ZNF479: variants seen among roughly 807,000 people sequenced by gnomAD.
ZNF479 encodes the protein KRAB zinc finger protein KR19.
Under a neutral mutation model 14.7 loss-of-function variants are expected in ZNF479, and 15 were observed. The observed-to-expected ratio is 1.02, with a 90% confidence interval of 0.68 to 1.57. The LOEUF is 1.57. Ranked by LOEUF, ZNF479 falls within the 40% of genes most tolerant of loss-of-function variation. The pLI, the probability that ZNF479 is intolerant of heterozygous loss-of-function variation, is 0.00. For missense variants in ZNF479, 506 were observed against 615.1 expected, an observed-to-expected ratio of 0.82 and a Z score of 1.88; for synonymous variants, 145 against 211.5, an observed-to-expected ratio of 0.69 and a Z score of 2.73.
intron 1 of ZNF479, among the ~76,000 whole-genome samples, chr7:57,129,669 C>T (rs200225956): frequency 1.4e-3 from 212 of 148,216 alleles, no homozygotes; most frequent in Middle Eastern, 3.4e-3. Flanking sequence ...CAGAACACTG[C>T]GCTGGGAATA....
At chr7:57,129,450 C>T (rs1297530685) in intron 1 of ZNF479, among the ~76,000 whole-genome samples, 4 of 152,074 alleles carry the variant, frequency 2.6e-5, no homozygotes, top group Admixed American at 2.6e-4. Flanking sequence ...GTCCCTTACA[C>T]ACACCACATT....
At chr7:57,128,965 C>G (rs1786300737) in intron 1 of ZNF479, among the ~76,000 whole-genome samples, 1 of 152,194 alleles carries the variant, frequency 6.6e-6, no homozygotes, top group African/African-American at 2.4e-5. Context: ...AAAGCACAAC[C>G]TATTCACCTG....
intron 3 of ZNF479, among the ~76,000 whole-genome samples, chr7:57,121,398 GAGAAA>G (rs770074004): frequency 3.5e-4 from 54 of 152,130 alleles, no homozygotes; most frequent in Non-Finnish European, 7.1e-4. Flanking sequence ...GCCATATAGA[GAGAAA>G]AGAAAAGTCT....
At chr7:57,136,383 C>CAAAAA (rs1044996925), upstream of ZNF479, among the ~76,000 whole-genome samples, 1 of 143,982 alleles carries the variant, frequency 6.9e-6, no homozygotes, top group East Asian at 2.0e-4. Context: ...GACTCCATCT[C>CAAAAA]AAAAAAAAAA....
chr7:57,129,033 T>C (rs1786305248), intron 1 of ZNF479, among the ~76,000 whole-genome samples: 1 of 152,112 alleles, frequency 6.6e-6, no homozygotes. Flanking sequence ...CATTCACCCA[T>C]TTTTGTTGTT....
intron 3 of ZNF479, among the ~76,000 whole-genome samples, chr7:57,122,736 T>C (rs1786005576): frequency 6.6e-6 from 1 of 152,126 alleles, no homozygotes; most frequent in Non-Finnish European, 1.5e-5. Flanking sequence ...AAAAAGTCTT[T>C]ATAGACACAT....
In ZNF479 at chr7:57,119,708, T is replaced by C. The variant is rs186428473; in HGVS notation, c.*132A>G. ...TTACATTTATAAAATTTCTGTCCAA[T>C]ATGAATTCTCTTACATTCAATTAAG... On this transcript the variant is annotated 3_prime_UTR_variant, in exon 4 of 4. Transcript: ENST00000319636. The C allele has an allele frequency of 1.6e-4, 143 of 912,576 alleles. No individual in the cohort carries two copies. The African/African-American group carries it at 2.3e-3, about 15-fold the overall frequency. 56.5% of individuals were successfully genotyped at this position (912,576 alleles called of 1,614,324 possible). A position where few individuals can be genotyped will look rare whatever the true frequency, so the allele number is the denominator to read the frequency against.
intron 3 of ZNF479, among the ~76,000 whole-genome samples, chr7:57,123,931 A>G (rs1231970269): frequency 6.6e-6 from 1 of 151,830 alleles, no homozygotes; most frequent in Non-Finnish European, 1.5e-5. Flanking sequence ...GCAAATCAAA[A>G]ATACATGGAA....
At chr7:57,127,412 A>G in intron 1 of ZNF479, 2 of 268,130 alleles carry the variant, frequency 7.5e-6, no homozygotes, top group Non-Finnish European at 1.1e-5. Flanking sequence ...GAGTTGGAAG[A>G]TACCTCTCAA....
At chr7:57,131,572 AAACAAACAAACAAAC>A (rs1395306346) in intron 1 of ZNF479, among the ~76,000 whole-genome samples, 1 of 134,390 alleles carries the variant, frequency 7.4e-6, no homozygotes, top group Non-Finnish European at 1.7e-5. Context: ...CAAAAATAAA[AAACAAACAAACAAAC>A]AAAAAAAAAA....
chr7:57,120,885 G>A lies in ZNF479; in HGVS notation c.530C>T (p.Thr177Ile). Residue 177 changes from threonine (T) to isoleucine (I), a missense_variant, in exon 4 of 4, where the codon ACA becomes ATA. Coordinates refer to ENST00000319636, the MANE Select transcript of ZNF479 (RefSeq NM_001370129.2). ...GKFSNSNRDK[T>I]RYTGNKHFKC... ...GAAATGTTTATTTCCAGTATATCTT[G>A]TTTTATCTCTATTGGAATTTGAAAA... 1 of 1,613,828 alleles carries A rather than the reference G, an allele frequency of 6.2e-7. No individual in the cohort carries two copies. Among genetic ancestry groups the A allele is most frequent in the Non-Finnish European group, 8.5e-7 (1 of 1,179,938 alleles).
upstream of ZNF479, chr7:57,132,437 G>A (rs1562851935): frequency 6.5e-7 from 1 of 1,542,794 alleles, no homozygotes; most frequent in Non-Finnish European, 8.9e-7. Context: ...AAACACAAAG[G>A]ACCCGCAAAA....
At chr7:57,127,695 T>C (rs1020631074) in intron 1 of ZNF479, 123 of 258,154 alleles carry the variant, frequency 4.8e-4, no homozygotes, top group Non-Finnish European at 6.8e-4. Flanking sequence ...TGATGGTTTA[T>C]GCACTTCAGC....
intron 3 of ZNF479, among the ~76,000 whole-genome samples, chr7:57,123,798 A>G (rs1343452053): frequency 6.6e-6 from 1 of 152,190 alleles, no homozygotes; most frequent in East Asian, 1.9e-4. Context: ...GTGCTACTGC[A>G]CTACAGTCTG....
In ZNF479 at chr7:57,120,987, C is replaced by CT. The variant is rs1785916814; in HGVS notation, c.427dup (p.Ser143LysfsTer2). ...AGTTGACAAACATTGGTTAACTTCA[C>CT]TATAACCTCCCTTGTGCACCTCATA... On this transcript the variant is annotated frameshift_variant, in exon 4 of 4. Transcript: ENST00000319636. LOFTEE classifies it low-confidence loss of function (END_TRUNC). 6.2e-7 allele frequency: 1 copy of CT among 1,613,972 alleles called. No homozygotes were observed. Among genetic ancestry groups the CT allele is most frequent in the Non-Finnish European group, 8.5e-7 (1 of 1,180,028 alleles).
chr7:57,119,990 A>G lies in ZNF479; in HGVS notation c.1425T>C (p.Asn475=), dbSNP rs1159085438. ...TATGTTGCATAAGGGTTGAGGAGCA[A>G]TTAAAGGCTTTGCCACATTCTTCAC... The part of the protein sequence containing the change: ...YTCEECGKAF[N]CSSTLMQHKR... Residue 475 remains asparagine, a synonymous_variant, in exon 4 of 4, where the codon AAT becomes AAC. Coordinates refer to ENST00000319636, the MANE Select transcript of ZNF479 (RefSeq NM_001370129.2). 1.2e-6 allele frequency: 2 copies of G among 1,612,136 alleles called. No individual in the cohort carries two copies. The highest frequency in any genetic ancestry group is 3.3e-5 in the Admixed American group (2 of 59,832).
chr7:57,134,042 A>G (rs1447788310), upstream of ZNF479, among the ~76,000 whole-genome samples: 3 of 152,228 alleles, frequency 2.0e-5, no homozygotes, highest in Non-Finnish European at 4.4e-5. Context: ...CCTTTCTAGC[A>G]CATTGCAGTT....
rs1358286118 is a variant in ZNF479 at position 57,121,070 on chromosome 7, A to G, written c.345T>C (p.Tyr115=). 3 of 1,613,762 alleles carry G rather than the reference A, an allele frequency of 1.9e-6. No homozygotes were observed. The highest frequency in any genetic ancestry group is 2.2e-5 in the East Asian group (1 of 44,854). Residue 115 remains tyrosine (Y), a synonymous_variant, in exon 4 of 4, where the codon TAT becomes TAC. Coordinates refer to ENST00000319636, the MANE Select transcript of ZNF479 (RefSeq NM_001370129.2). Reference sequence around the variant, plus strand: ...GTAATTTCTCATGTCCACATTTTCCATATGTTCTTGGTATTACTTTTTGGA... The same window carrying G: ...GTAATTTCTCATGTCCACATTTTCCGTATGTTCTTGGTATTACTTTTTGGA... ...DSLQKVIPRT[Y]GKCGHEKLQF...
Position 57,132,296 on chromosome 7 carries a change from C to T in ZNF479, c.29G>A (p.Ser10Asn). Residue 10 changes from serine (S) to asparagine (N), a missense_variant, in exon 1 of 4, where the codon AGC becomes AAC. Ser to Asn is a conservative substitution (Grantham distance 46). Around this residue, in one of 3 missense-constraint regions of ZNF479, gnomAD observed 420 missense variants for 474.2 expected, o/e 0.89. Transcript: ENST00000319636. MAKRPGPPG[S>N]REMGLLTFRD... ...AGACCCAGCACTCACCATTTCTCGG[C>T]TTCCAGGGGGTCCTGGTCTTTTAGC... 6.2e-7 allele frequency: 1 copy of T among 1,614,156 alleles called. No homozygotes were observed. Among genetic ancestry groups the T allele is most frequent in the East Asian group, 2.2e-5 (1 of 44,882 alleles).
Sources: allele counts gnomAD v4.1 joint callset (sites outside exome capture counted in the v4.1 genomes callset), GRCh38; gene constraint gnomAD v4.1.1; regional missense constraint gnomAD v4.1.1; transcripts MANE v1.5; gene names NCBI Gene and HGNC (gene_info 2026-07-23, HGNC 2026-07-21).